Variants in RBBP8 observed in about 807,000 individuals in gnomAD.
The protein encoded by RBBP8 is RB binding protein 8, endonuclease, also known as DNA endonuclease RBBP8.
A neutral mutation model predicts 108.3 loss-of-function variants in RBBP8; 88 were observed. That is an observed-to-expected ratio of 0.81 (90% CI 0.68 to 0.97). The LOEUF is 0.97. RBBP8 is among the 50% of genes least tolerant of loss of function. The pLI is 0.00. For synonymous variants in RBBP8, 332 were observed against 348.2 expected (o/e 0.95, Z 0.52); for missense variants, 1,023 against 1,049.0 (o/e 0.98, Z 0.34).
chr18:22,973,608 A>G, intron 5 of RBBP8, among the ~76,000 whole-genome samples: 1 of 152,204 alleles, frequency 6.6e-6, no homozygotes, highest in East Asian at 1.9e-4. Flanking sequence ...TATATGCTAT[A>G]TGTACTAACA....
chr18:22,935,926 A>G (rs369547795), intron 1 of RBBP8, among the ~76,000 whole-genome samples: 10 of 151,972 alleles, frequency 6.6e-5, no homozygotes, highest in South Asian at 2.1e-4. Context: ...AATCTTACTG[A>G]CTTCTCTTGT....
At chr18:22,921,940 C>T (rs1310635937) in intron 3 of RBBP8, among the ~76,000 whole-genome samples, 4 of 152,146 alleles carry the variant, frequency 2.6e-5, no homozygotes, top group African/African-American at 9.7e-5. Context: ...AGATTGACTA[C>T]ATTGGACCCT....
intron 5 of RBBP8, among the ~76,000 whole-genome samples, chr18:22,974,577 T>C (rs1914363838): frequency 6.6e-6 from 1 of 152,176 alleles, no homozygotes; most frequent in Admixed American, 6.5e-5. Context: ...TTCTCCTGCC[T>C]CCACCTCGAA....
chr18:23,013,160 C>G (rs75430673), intron 16 of RBBP8, among the ~76,000 whole-genome samples: 2,089 of 151,824 alleles, frequency 0.014, 59 homozygotes, highest in African/African-American at 0.048. Flanking sequence ...AGCTGATTCA[C>G]TGAGACAGTG....
chr18:22,986,556 A>AT (rs997802481), intron 8 of RBBP8, among the ~76,000 whole-genome samples: 3 of 151,992 alleles, frequency 2.0e-5, no homozygotes, highest in Non-Finnish European at 4.4e-5. Flanking sequence ...TCAAGGGAGG[A>AT]TTTTTTTTCA....
At chr18:23,020,243 A>G (rs2046326731) in intron 17 of RBBP8, among the ~76,000 whole-genome samples, 1 of 151,656 alleles carries the variant, frequency 6.6e-6, no homozygotes, top group South Asian at 2.1e-4. Context: ...CAACATGGTA[A>G]AACCCTGTCC....
chr18:22,933,833 A>T (rs1910245075), intron 1 of RBBP8: 1 of 152,200 alleles, frequency 6.6e-6, no homozygotes, highest in African/African-American at 2.4e-5. Context: ...GCATGCGCCG[A>T]CTGCGGCTCG....
intron 14 of RBBP8, among the ~76,000 whole-genome samples, chr18:23,001,095 C>A (rs1171653781): frequency 6.6e-6 from 1 of 152,216 alleles, no homozygotes; most frequent in Non-Finnish European, 1.5e-5. Flanking sequence ...TCATAATAAT[C>A]ATGCCTTTAA....
intron 1 of RBBP8, chr18:22,934,350 T>A (rs1201019728): frequency 6.6e-6 from 1 of 152,226 alleles, no homozygotes; most frequent in Non-Finnish European, 1.5e-5. Context: ...GTACATCACT[T>A]ACTTGAAGAT....
At chr18:22,932,869 T>C (rs1037027302), upstream of RBBP8, among the ~76,000 whole-genome samples, 4 of 152,310 alleles carry the variant, frequency 2.6e-5, no homozygotes, top group South Asian at 8.3e-4. Flanking sequence ...CTCAGCAAAA[T>C]ACAGATCGTT....
intron 4 of RBBP8, among the ~76,000 whole-genome samples, chr18:22,962,797 C>CA (rs1407254281): frequency 6.6e-6 from 1 of 151,756 alleles, no homozygotes; most frequent in Non-Finnish European, 1.5e-5. Flanking sequence ...GACAGGGTTT[C>CA]ACCATGTTGG....
intron 6 of RBBP8, among the ~76,000 whole-genome samples, chr18:22,980,061 C>T (rs927280665): frequency 2.0e-5 from 3 of 152,032 alleles, no homozygotes; most frequent in Non-Finnish European, 4.4e-5. Flanking sequence ...GCCTGGCCAA[C>T]GTGGTGAAAC....
In RBBP8 at chr18:23,012,080, T is replaced by C. The variant is rs564949551; in HGVS notation, c.2358-4748T>C. On this transcript the variant is annotated intron_variant, in intron 16 of 18. Transcript: ENST00000327155. The stretch of plus-strand genomic sequence containing the variant: ...TTAGCTGAGCGTGGTGGCACACGCC[T>C]GTAGTTCCAACTGTTATACTGCGGG... Among the ~76,000 whole-genome samples the C allele has an allele frequency of 1.7e-4, 26 of 152,012 alleles. No homozygotes were observed. In the South Asian group the frequency reaches 4.8e-3, roughly 28 times the overall value.
chr18:23,024,791 G>A (rs2046427891), intron 18 of RBBP8: 1 of 152,272 alleles, frequency 6.6e-6, no homozygotes, highest in Non-Finnish European at 1.5e-5. Flanking sequence ...TTTATGATTT[G>A]ACTTTTTAAT....
chr18:22,932,933 A>G (rs1910128653), upstream of RBBP8, among the ~76,000 whole-genome samples: 1 of 152,256 alleles, frequency 6.6e-6, no homozygotes. Context: ...TAAACTGCAG[A>G]TAACAGCGAC....
At chr18:22,914,312 T>A (rs1057506385) in intron 1 of RBBP8, 1 of 152,198 alleles carries the variant, frequency 6.6e-6, no homozygotes, top group Admixed American at 6.5e-5. Flanking sequence ...GAAGGGTAAG[T>A]ATATTTTTAA....
chr18:23,011,795 C>T (rs1011070046), intron 16 of RBBP8, among the ~76,000 whole-genome samples: 5 of 152,070 alleles, frequency 3.3e-5, no homozygotes, highest in African/African-American at 4.8e-5. Flanking sequence ...TGTAAGACAG[C>T]GAACTCAATC....
intron 3 of RBBP8, 127 bp from the exon 4 acceptor site, chr18:22,949,491 C>G (rs1911844303): frequency 2.8e-6 from 2 of 720,440 alleles, no homozygotes; most frequent in Admixed American, 4.5e-5. Flanking sequence ...CAAGATATTC[C>G]AACCTGACCT....
intron 2 of RBBP8, among the ~76,000 whole-genome samples, chr18:22,942,882 C>A (rs183302344): frequency 6.6e-6 from 1 of 151,952 alleles, no homozygotes; most frequent in Non-Finnish European, 1.5e-5. Context: ...CCTATGCCAG[C>A]GTCTGCTATT....
Sources: allele counts gnomAD v4.1 joint callset (sites outside exome capture counted in the v4.1 genomes callset), GRCh38; gene constraint gnomAD v4.1.1; transcripts MANE v1.5; gene names NCBI Gene and HGNC (gene_info 2026-07-23, HGNC 2026-07-21).